The following TMEM135 variants were observed in gnomAD, a reference collection of about 807,000 sequenced individuals.
The protein encoded by TMEM135 is transmembrane protein 135, also known as peroxisomal membrane protein 52.
TMEM135 carries 30 observed loss-of-function variants against 60.3 expected under a neutral mutation model. That is an observed-to-expected ratio of 0.50 (90% CI 0.37 to 0.68). The LOEUF is 0.68. TMEM135 is among the 30% of genes least tolerant of loss of function. TMEM135 has a pLI of 0.00. For synonymous variants in TMEM135, 190 were observed against 186.7 expected, an observed-to-expected ratio of 1.02 and a Z score of -0.14; for missense variants, 468 against 548.8, an observed-to-expected ratio of 0.85 and a Z score of 1.47.
chr11:87,056,484 T>C (rs1227705047), intron 1 of TMEM135, among the ~76,000 whole-genome samples: 1 of 152,242 alleles, frequency 6.6e-6, no homozygotes, highest in Admixed American at 6.5e-5. Flanking sequence ...TTAGATTTCC[T>C]TTCTGGTTCA....
At chr11:87,092,472 G>A (rs1437214586) in intron 4 of TMEM135, among the ~76,000 whole-genome samples, 2 of 152,142 alleles carry the variant, frequency 1.3e-5, no homozygotes, top group Non-Finnish European at 2.9e-5. Flanking sequence ...ATTTCAGAGT[G>A]TTCATGGACC....
chr11:87,216,904 A>T (rs186549943), intron 5 of TMEM135, among the ~76,000 whole-genome samples: 20 of 152,322 alleles, frequency 1.3e-4, no homozygotes, highest in Admixed American at 6.5e-4. Flanking sequence ...GTAAAATTGT[A>T]CAAAATTAAG....
intron 6 of TMEM135, among the ~76,000 whole-genome samples, chr11:87,291,792 C>T (rs2135430479): frequency 6.6e-6 from 1 of 152,214 alleles, no homozygotes; most frequent in Non-Finnish European, 1.5e-5. Context: ...ATCCACCAAC[C>T]TCAGCCTCCC....
At chr11:87,128,271 A>G (rs1349040431) in intron 4 of TMEM135, among the ~76,000 whole-genome samples, 1 of 152,178 alleles carries the variant, frequency 6.6e-6, no homozygotes, top group Non-Finnish European at 1.5e-5. Context: ...GTTAGCATGT[A>G]TGATTGTATG....
chr11:87,072,681 C>T (rs965460471), intron 3 of TMEM135, among the ~76,000 whole-genome samples: 17 of 151,876 alleles, frequency 1.1e-4, no homozygotes, highest in African/African-American at 3.4e-4. Flanking sequence ...GTGCCTGGCC[C>T]AATTATTTTT....
chr11:87,313,633 CTT>C, intron 11 of TMEM135, 145 bp downstream of exon 11: 1 of 743,418 alleles, frequency 1.3e-6, no homozygotes, highest in Non-Finnish European at 2.3e-6. Context: ...TGTCCAAATA[CTT>C]TGTGATGTTT....
intron 4 of TMEM135, among the ~76,000 whole-genome samples, chr11:87,104,463 C>A (rs1857543627): frequency 6.6e-6 from 1 of 152,058 alleles, no homozygotes; most frequent in Non-Finnish European, 1.5e-5. Context: ...TTTTCTATTT[C>A]TGTGAAAAAT....
rs1215913429 is a variant in TMEM135, at chr11:87,323,635, T to A, written c.*2302T>A. The A allele has an allele frequency of 6.6e-6, 3 of 453,782 alleles. No homozygotes were observed. Among genetic ancestry groups the A allele is most frequent in the Non-Finnish European group, 1.3e-5 (3 of 226,718 alleles). 28.1% of individuals were successfully genotyped at this position (453,782 alleles called of 1,614,324 possible). On this transcript the variant is annotated 3_prime_UTR_variant, in exon 15 of 15. Coordinates refer to ENST00000305494, the MANE Select transcript of TMEM135 (RefSeq NM_022918.4). ...CCTTAGTCTTTCTGACATTTTTATA[T>A]AGATTGAGATTGAAAAACCGTGCAT...
At chr11:87,055,996 A>T (rs932066113) in intron 1 of TMEM135, among the ~76,000 whole-genome samples, 1 of 152,154 alleles carries the variant, frequency 6.6e-6, no homozygotes, top group African/African-American at 2.4e-5. Context: ...ACAGAGTAGG[A>T]TGTTCCTCAA....
chr11:87,105,063 T>C (rs529160821), intron 4 of TMEM135, among the ~76,000 whole-genome samples: 1 of 152,326 alleles, frequency 6.6e-6, no homozygotes, highest in South Asian at 2.1e-4. Flanking sequence ...TTGTCATATA[T>C]GGCCTTTATT....
intron 4 of TMEM135, among the ~76,000 whole-genome samples, chr11:87,131,461 A>C (rs11824454): frequency 0.063 from 9,598 of 152,216 alleles, 402 homozygotes; most frequent in South Asian, 0.12. Flanking sequence ...TGTGTTATGT[A>C]TACTATTATA....
intron 4 of TMEM135, among the ~76,000 whole-genome samples, chr11:87,098,887 A>G (rs1035195396): frequency 3.9e-5 from 6 of 151,928 alleles, no homozygotes; most frequent in African/African-American, 1.5e-4. Flanking sequence ...ATGGGGTTTC[A>G]CCATGTCAGC....
At chr11:87,060,986 C>T (rs1313388103) in intron 1 of TMEM135, among the ~76,000 whole-genome samples, 1 of 151,998 alleles carries the variant, frequency 6.6e-6, no homozygotes, top group Non-Finnish European at 1.5e-5. Flanking sequence ...AAATCATGCC[C>T]ATTAAAATCA....
At chr11:87,090,061 G>T (rs758499829) in intron 3 of TMEM135, among the ~76,000 whole-genome samples, 4 of 152,076 alleles carry the variant, frequency 2.6e-5, no homozygotes, top group Non-Finnish European at 4.4e-5. Flanking sequence ...GGGTTCTCTT[G>T]TTCTGCTGAA....
chr11:87,224,228 A>G (rs1329748848), intron 5 of TMEM135, among the ~76,000 whole-genome samples: 1 of 152,182 alleles, frequency 6.6e-6, no homozygotes, highest in Non-Finnish European at 1.5e-5. Context: ...ATGTATTGGG[A>G]TTAAACTGGC....
intron 6 of TMEM135, among the ~76,000 whole-genome samples, chr11:87,275,590 A>G (rs1941953117): frequency 6.6e-6 from 1 of 152,210 alleles, no homozygotes; most frequent in South Asian, 2.1e-4. Flanking sequence ...AAGACAAAGT[A>G]CATTTTTTAG....
At chr11:87,177,714 C>T (rs1939415384) in intron 5 of TMEM135, among the ~76,000 whole-genome samples, 1 of 152,078 alleles carries the variant, frequency 6.6e-6, no homozygotes, top group Admixed American at 6.6e-5. Context: ...TATTGTAATA[C>T]AGTTCTGACA....
At chr11:87,210,211 A>G (rs1940331617) in intron 5 of TMEM135, among the ~76,000 whole-genome samples, 1 of 152,192 alleles carries the variant, frequency 6.6e-6, no homozygotes, top group South Asian at 2.1e-4. Context: ...CATACAAAAG[A>G]TCAATGGAAC....
At chr11:87,146,517 T>C (rs963411146) in intron 4 of TMEM135, among the ~76,000 whole-genome samples, 2 of 152,320 alleles carry the variant, frequency 1.3e-5, no homozygotes, top group Non-Finnish European at 2.9e-5. Flanking sequence ...GCTGGGAGGC[T>C]ACTTCCGTGT....
Sources: allele counts gnomAD v4.1 joint callset (sites outside exome capture counted in the v4.1 genomes callset), GRCh38; gene constraint gnomAD v4.1.1; transcripts MANE v1.5; gene names NCBI Gene and HGNC (gene_info 2026-07-23, HGNC 2026-07-21).